Variants in CALN1 observed in about 807,000 individuals in gnomAD.
CALN1 encodes the protein calcium-binding protein 8.
CALN1 carries 17 observed loss-of-function variants against 30.6 expected under a neutral mutation model. That is an observed-to-expected ratio of 0.56 (90% CI 0.38 to 0.83). The LOEUF (loss-of-function observed/expected upper bound fraction) is 0.83, where lower values mean the gene tolerates loss of function less well. Ranked by LOEUF, CALN1 falls within the 40% of genes least tolerant of loss-of-function variation. The pLI is 0.00. For synonymous variants in CALN1, 156 were observed against 131.4 expected, an observed-to-expected ratio of 1.19 and a Z score of -1.28; for missense variants, 291 against 354.9, an observed-to-expected ratio of 0.82 and a Z score of 1.45.
chr7:72,436,292 G>A (rs1808157529), intron 1 of CALN1, among the ~76,000 whole-genome samples: 1 of 152,176 alleles, frequency 6.6e-6, no homozygotes, highest in South Asian at 2.1e-4. Context: ...CTGTTCTCAT[G>A]ATAGTGACTA....
intron 3 of CALN1, among the ~76,000 whole-genome samples, chr7:72,246,071 G>A (rs1287582938): frequency 6.6e-6 from 1 of 152,148 alleles, no homozygotes; most frequent in Non-Finnish European, 1.5e-5. Flanking sequence ...GTTCCAGAGT[G>A]CCCTCTTATC....
chr7:71,893,059 T>C (rs1468466038), intron 5 of CALN1, among the ~76,000 whole-genome samples: 1 of 152,222 alleles, frequency 6.6e-6, no homozygotes, highest in Non-Finnish European at 1.5e-5. Flanking sequence ...TCTTTCATTT[T>C]CTTTTCCTTG....
intron 3 of CALN1, among the ~76,000 whole-genome samples, chr7:72,138,078 T>C (rs556237672): frequency 6.6e-6 from 1 of 152,160 alleles, no homozygotes; most frequent in African/African-American, 2.4e-5. Flanking sequence ...TGGTGAAATA[T>C]TACACACATT....
At chr7:71,822,410 G>C (rs1184348485) in intron 5 of CALN1, among the ~76,000 whole-genome samples, 3 of 152,096 alleles carry the variant, frequency 2.0e-5, no homozygotes, top group Non-Finnish European at 4.4e-5. Flanking sequence ...CATCATGCCC[G>C]GCTAATTTTG....
intron 3 of CALN1, among the ~76,000 whole-genome samples, chr7:72,168,216 TAA>T (rs1788662581): frequency 7.2e-6 from 1 of 139,042 alleles, no homozygotes; most frequent in Admixed American, 7.8e-5. Context: ...AACACATACT[TAA>T]TTTTTGCAAA....
At chr7:71,853,217 C>T (rs1424723572) in intron 5 of CALN1, among the ~76,000 whole-genome samples, 7 of 152,154 alleles carry the variant, frequency 4.6e-5, no homozygotes, top group Middle Eastern at 3.4e-3. Context: ...GCTGGGATTA[C>T]AGGCATGAGC....
intron 2 of CALN1, among the ~76,000 whole-genome samples, chr7:72,316,136 TTA>T (rs369317506): frequency 7.6e-5 from 11 of 144,734 alleles, no homozygotes; most frequent in African/African-American, 2.5e-4. Context: ...AGATGACAGA[TTA>T]TGTCTTTAAA....
intron 4 of CALN1, among the ~76,000 whole-genome samples, chr7:72,024,508 C>A (rs575693488): frequency 2.0e-5 from 3 of 152,154 alleles, no homozygotes; most frequent in Non-Finnish European, 4.4e-5. Flanking sequence ...AAGTGATTCT[C>A]ATGCCTCAGC....
rs546613295 is a variant in CALN1 at position 72,093,276 on chromosome 7, C to G, written c.388+12875G>C. ...ATACATTCCTTTTGGTAAACCCTGCCTAAGAAAATGTTACTTAGCATGAAG... is the reference window on the plus strand; with the variant it reads ...ATACATTCCTTTTGGTAAACCCTGCGTAAGAAAATGTTACTTAGCATGAAG... On this transcript the variant is annotated intron_variant, in intron 4 of 6. Transcript: ENST00000395275. 7.9e-5 allele frequency among the ~76,000 whole-genome samples: 12 copies of G among 152,250 alleles called. No homozygotes were observed. In the South Asian group the frequency reaches 2.1e-3, roughly 26 times the overall value.
chr7:72,092,578 A>G (rs1321592162), intron 4 of CALN1, among the ~76,000 whole-genome samples: 1 of 147,614 alleles, frequency 6.8e-6, no homozygotes, highest in Non-Finnish European at 1.5e-5. Flanking sequence ...GGTACTTCTA[A>G]GAACTTGCCC....
At chr7:71,828,216 C>T (rs1186653917) in intron 5 of CALN1, among the ~76,000 whole-genome samples, 2 of 152,066 alleles carry the variant, frequency 1.3e-5, no homozygotes, top group African/African-American at 4.8e-5. Context: ...GGTGTCTCAG[C>T]CCTTCACACC....
Position 71,784,640 on chromosome 7 carries a change from G to A in CALN1, c.*3135C>T. 2.5e-6 allele frequency: 1 copy of A among 394,822 alleles called. No homozygotes were observed. Among genetic ancestry groups the A allele is most frequent in the Non-Finnish European group, 4.5e-6 (1 of 224,238 alleles). 24.5% of individuals were successfully genotyped at this position (394,822 alleles called of 1,614,324 possible). On this transcript the variant is annotated 3_prime_UTR_variant, in exon 7 of 7. Transcript: ENST00000395275. The stretch of plus-strand genomic sequence containing the variant: ...GCTCATCACTTGTGCTTTCCAGGGG[G>A]GCGGCGGGGGGTACCTGCTCTTGCA...
intron 5 of CALN1, among the ~76,000 whole-genome samples, chr7:71,947,659 T>A (rs1244754900): frequency 1.3e-5 from 2 of 152,084 alleles, no homozygotes; most frequent in African/African-American, 4.8e-5. Context: ...TAAAAATTGC[T>A]GCCGGGCATG....
chr7:72,029,740 C>T (rs1280699073), intron 4 of CALN1, among the ~76,000 whole-genome samples: 1 of 152,228 alleles, frequency 6.6e-6, no homozygotes, highest in Non-Finnish European at 1.5e-5. Flanking sequence ...ATGGAGCTCT[C>T]AGAGAGGGCG....
chr7:72,416,768 A>G (rs1807436385), upstream of CALN1, among the ~76,000 whole-genome samples: 1 of 149,712 alleles, frequency 6.7e-6, no homozygotes, highest in Admixed American at 6.6e-5. Flanking sequence ...AAAACAAATA[A>G]CAAAAAGAAC....
At chr7:72,157,267 C>T (rs1343067428) in intron 3 of CALN1, among the ~76,000 whole-genome samples, 1 of 152,164 alleles carries the variant, frequency 6.6e-6, no homozygotes, top group African/African-American at 2.4e-5. Flanking sequence ...ATGAATAAGA[C>T]ATGGTCCATG....
At chr7:72,397,099 T>C (rs760851925) in intron 2 of CALN1, among the ~76,000 whole-genome samples, 56 of 151,846 alleles carry the variant, frequency 3.7e-4, no homozygotes, top group South Asian at 8.3e-4. Context: ...TTTGCAGAGA[T>C]GGAGTCTCAC....
intron 4 of CALN1, among the ~76,000 whole-genome samples, chr7:72,048,041 C>CTTTTT (rs1159186115): frequency 4.7e-5 from 6 of 127,608 alleles, no homozygotes; most frequent in African/African-American, 1.8e-4. Flanking sequence ...TCTTCTTCTT[C>CTTTTT]TTTTTTTTTT....
intron 3 of CALN1, among the ~76,000 whole-genome samples, chr7:72,205,003 A>G (rs1336277143): frequency 1.3e-5 from 2 of 152,158 alleles, no homozygotes; most frequent in Non-Finnish European, 2.9e-5. Context: ...AGCATTGCCA[A>G]CAATGGATAT....
Sources: gnomAD v4.1 joint callset for allele counts (sites outside exome capture counted in the v4.1 genomes callset) on GRCh38, gnomAD v4.1.1 for gene constraint, MANE v1.5 for transcripts, NCBI Gene and HGNC (gene_info 2026-07-23, HGNC 2026-07-21) for gene names.